The following RCN2 variants were observed in gnomAD, a reference collection of about 807,000 sequenced individuals.
RCN2 encodes the protein reticulocalbin 2.
RCN2 carries 23 observed loss-of-function variants against 37.5 expected under a neutral mutation model. That is an observed-to-expected ratio of 0.61 (90% CI 0.44 to 0.87). The LOEUF (loss-of-function observed/expected upper bound fraction) is 0.87, where lower values mean the gene tolerates loss of function less well. Ranked by LOEUF, RCN2 falls within the 40% of genes least tolerant of loss-of-function variation. The pLI is 0.00. For missense variants in RCN2, 381 were observed against 390.4 expected (o/e 0.98, Z 0.20); for synonymous variants, 140 against 144.6 (o/e 0.97, Z 0.23).
chr15:76,936,670 T>C (rs1479536463), intron 3 of RCN2, among the ~76,000 whole-genome samples: 1 of 152,176 alleles, frequency 6.6e-6, no homozygotes, highest in East Asian at 1.9e-4. Flanking sequence ...TGATTTAAAG[T>C]ATTCAGGAAG....
chr15:76,950,106 T>G lies in RCN2; in HGVS notation c.*884T>G, dbSNP rs891488156. The G allele has an allele frequency of 3.9e-5, 6 of 152,184 alleles. No homozygotes were observed. Among genetic ancestry groups the G allele is most frequent in the Non-Finnish European group, 7.4e-5 (5 of 68,022 alleles). The allele number at this position is 152,184 out of a possible 1,614,324, so 9.4% of individuals were successfully genotyped here. A position where few individuals can be genotyped will look rare whatever the true frequency, so the allele number is the denominator to read the frequency against. On this transcript the variant is annotated 3_prime_UTR_variant, in exon 7 of 7. Coordinates refer to ENST00000394885, the MANE Select transcript of RCN2 (RefSeq NM_002902.3). ...ATAATTGAATGTGCACCTGACACATTTTAATAATTGGTGTTGTAGCAAATG... is the reference window on the plus strand; with the variant it reads ...ATAATTGAATGTGCACCTGACACATGTTAATAATTGGTGTTGTAGCAAATG...
chr15:76,939,545 A>C (rs116826056), intron 3 of RCN2, among the ~76,000 whole-genome samples: 75 of 152,272 alleles, frequency 4.9e-4, no homozygotes, highest in African/African-American at 1.7e-3. Flanking sequence ...TAAAGTGAGT[A>C]AAAATCAGTC....
At chr15:76,939,117 G>A (rs1463596815) in intron 3 of RCN2, among the ~76,000 whole-genome samples, 1 of 152,114 alleles carries the variant, frequency 6.6e-6, no homozygotes, top group Non-Finnish European at 1.5e-5. Context: ...TGTGATCCCA[G>A]CTATTTGGGA....
chr15:76,938,170 G>C (rs1457763040), intron 3 of RCN2, among the ~76,000 whole-genome samples: 5 of 152,092 alleles, frequency 3.3e-5, no homozygotes, highest in Non-Finnish European at 7.4e-5. Context: ...AAGGGTGCTT[G>C]GAAAATATTC....
At position 76,949,261 on chromosome 15, in the gene RCN2, T is replaced by TA. The variant is rs760416825; in HGVS notation, c.*41dup. The TA allele has an allele frequency of 7.3e-7, 1 of 1,374,380 alleles. No homozygotes were observed. The highest frequency in any genetic ancestry group is 1.5e-5 in the African/African-American group (1 of 67,818). 85.1% of individuals were successfully genotyped at this position (1,374,380 alleles called of 1,614,324 possible). On this transcript the variant is annotated 3_prime_UTR_variant, in exon 7 of 7. Transcript: ENST00000394885. ...CTCAGTAGAGTACTGGCTCCTTTTATAATTTGTTACCAGCTTTACTTTTGT... is the reference window on the plus strand; with the variant it reads ...CTCAGTAGAGTACTGGCTCCTTTTATAAATTTGTTACCAGCTTTACTTTTGT...
intron 3 of RCN2, among the ~76,000 whole-genome samples, chr15:76,940,437 C>A (rs1054243764): frequency 6.6e-6 from 1 of 151,404 alleles, no homozygotes; most frequent in Admixed American, 6.6e-5. Context: ...AAACACTATA[C>A]CATAAATAAA....
chr15:76,933,821 A>G (rs1307916653), intron 2 of RCN2, among the ~76,000 whole-genome samples: 2 of 152,090 alleles, frequency 1.3e-5, no homozygotes, highest in East Asian at 1.9e-4. Context: ...CCTTAAGATA[A>G]TTTTGGCAAT....
chr15:76,954,330 A>C lies in RCN2; in HGVS notation c.*5108A>C, dbSNP rs534854776. The C allele has an allele frequency of 2.2e-4, 34 of 152,300 alleles. No individual in the cohort carries two copies. The highest frequency in any genetic ancestry group is 8.2e-4 in the African/African-American group (34 of 41,554). 9.4% of individuals were successfully genotyped at this position (152,300 alleles called of 1,614,324 possible). ...CCACTTAGAGTAAAAGTTTTTAAAC[A>C]ACTGTAAAAACTAATTTGCTTCATT... is the stretch of plus-strand genomic sequence containing the variant. On this transcript the variant is annotated 3_prime_UTR_variant, in exon 7 of 7. Transcript: ENST00000394885.
chr15:76,932,230 C>A, intron 1 of RCN2, 131 bp from the exon 2 acceptor site: 3 of 765,650 alleles, frequency 3.9e-6, no homozygotes, highest in South Asian at 3.3e-5. Context: ...GGGGTAGGGG[C>A]CTTGAAGTGC....
chr15:76,945,117 G>A (rs1244726394), intron 4 of RCN2, among the ~76,000 whole-genome samples: 1 of 152,170 alleles, frequency 6.6e-6, no homozygotes, highest in East Asian at 1.9e-4. Context: ...TTGGTAAGGA[G>A]GCTTTCTTGT....
rs772558525 is a variant in RCN2, at chr15:76,948,479, A to G, written c.728A>G (p.Asn243Ser). 6.1e-5 allele frequency: 98 copies of G among 1,610,570 alleles called. No individual in the cohort carries two copies. In the Admixed American group the frequency reaches 1.6e-3, roughly 27 times the overall value. ...TTCGTGAATGATTATGACAAAGATAACGATGGCAGGCTTGATCCCCAAGAG... is the reference window on the plus strand; with the variant it reads ...TTCGTGAATGATTATGACAAAGATAGCGATGGCAGGCTTGATCCCCAAGAG... Reference protein sequence around the residue: ...DRFVNDYDKDNDGRLDPQELL... With the variant: ...DRFVNDYDKDSDGRLDPQELL... The change falls in exon 6 of 7, where the codon AAC becomes AGC. Residue 243 changes from asparagine to serine, a missense_variant. Transcript: ENST00000394885.
In RCN2 at chr15:76,932,369, G is replaced by GGAT; in HGVS notation, c.156_158dup (p.Asp52dup). The GGAT allele has an allele frequency of 6.2e-7, 1 of 1,613,028 alleles. No homozygotes were observed. On this transcript the variant is annotated inframe_insertion, in exon 2 of 7. Coordinates refer to ENST00000394885, the MANE Select transcript of RCN2 (RefSeq NM_002902.3). Reference sequence around the variant, plus strand: ...GTCGCTTCCCCCTAAAGGAAGATGTGGATGAATATGTTAAACTCGGCCACG... The same window carrying GGAT: ...GTCGCTTCCCCCTAAAGGAAGATGTGGATGATGAATATGTTAAACTCGGCCACG...
rs985837206 is a variant in RCN2, at chr15:76,952,409, C to G, written c.*3187C>G. On this transcript the variant is annotated 3_prime_UTR_variant, in exon 7 of 7. Transcript: ENST00000394885. The stretch of plus-strand genomic sequence containing the variant: ...AAGCAATACTGATCTTTTTACTGTT[C>G]ATAATTTTTTAGATTGTAGTAAAAT... The G allele has an allele frequency of 1.2e-4, 18 of 152,108 alleles. No individual in the cohort carries two copies. The highest frequency in any genetic ancestry group is 1.2e-3 in the Admixed American group (18 of 15,260). The allele number at this position is 152,108 out of a possible 1,614,324, so 9.4% of individuals were successfully genotyped here.
chr15:76,953,570 TA>T lies in RCN2; in HGVS notation c.*4349del, dbSNP rs2075331610. 5.8e-4 allele frequency: 10 copies of T among 17,156 alleles called. No individual in the cohort carries two copies. Among genetic ancestry groups the T allele is most frequent in the East Asian group, 2.7e-3 (2 of 728 alleles). 1.1% of individuals were successfully genotyped at this position (17,156 alleles called of 1,614,324 possible). A position where few individuals can be genotyped will look rare whatever the true frequency, so the allele number is the denominator to read the frequency against. On this transcript the variant is annotated 3_prime_UTR_variant, in exon 7 of 7. Transcript: ENST00000394885. ...TATAGTAATTCTATATATATATATA[TA>T]TATATATATATATATATATATATTT...
chr15:76,937,054 G>A (rs1291059263), intron 3 of RCN2, among the ~76,000 whole-genome samples: 1 of 152,102 alleles, frequency 6.6e-6, no homozygotes, highest in African/African-American at 2.4e-5. Flanking sequence ...TTTGTAACTG[G>A]CTTATTTTTA....
In RCN2 at chr15:76,947,529, G is replaced by A; in HGVS notation, c.658+12G>A. On this transcript the variant is annotated intron_variant, in intron 5 of 6. Transcript: ENST00000394885. ...CAGGTGGGATCCAAGTAAGTCACCT[G>A]GGAGAATGTGAAAAGAGAAAAGGAA... 6.7e-7 allele frequency: 1 copy of A among 1,488,802 alleles called. No homozygotes were observed. Among genetic ancestry groups the A allele is most frequent in the Non-Finnish European group, 9.3e-7 (1 of 1,075,324 alleles). 92.2% of individuals were successfully genotyped at this position (1,488,802 alleles called of 1,614,324 possible). A position where few individuals can be genotyped will look rare whatever the true frequency, so the allele number is the denominator to read the frequency against.
At chr15:76,944,146 A>C (rs2075287704) in intron 4 of RCN2, among the ~76,000 whole-genome samples, 2 of 151,848 alleles carry the variant, frequency 1.3e-5, no homozygotes, top group South Asian at 4.2e-4. Context: ...GGCGCCCGCC[A>C]CTACACCTGG....
Position 76,949,167 on chromosome 15 carries a change from C to T in RCN2, c.899C>T (p.Ala300Val). 1 of 1,613,190 alleles carries T rather than the reference C, an allele frequency of 6.2e-7. No individual in the cohort carries two copies. The highest frequency in any genetic ancestry group is 8.5e-7 in the Non-Finnish European group (1 of 1,179,548). ...ENPDLFLTSEATDYGRQLHDD... is the reference protein window; with the variant it reads ...ENPDLFLTSEVTDYGRQLHDD... ...CCGGACTTGTTTCTCACCAGTGAAG[C>T]CACAGATTATGGCAGACAGCTCCAT... Residue 300 changes from alanine to valine, a missense_variant, in exon 7 of 7, where the codon GCC (alanine) becomes GTC (valine). Coordinates refer to ENST00000394885, the MANE Select transcript of RCN2 (RefSeq NM_002902.3).
intron 3 of RCN2, among the ~76,000 whole-genome samples, chr15:76,936,391 G>C (rs930711190): frequency 5.3e-5 from 8 of 152,128 alleles, no homozygotes; most frequent in African/African-American, 1.9e-4. Flanking sequence ...GTGTGTGGCG[G>C]GGGGGTGGGG....
Sources: allele counts gnomAD v4.1 joint callset (sites outside exome capture counted in the v4.1 genomes callset), GRCh38; gene constraint gnomAD v4.1.1; transcripts MANE v1.5; gene names NCBI Gene and HGNC (gene_info 2026-07-23, HGNC 2026-07-21).